Variants in AKAP13 observed in about 807,000 individuals in gnomAD.
AKAP13 encodes A-kinase anchor protein 13.
AKAP13 carries 80 observed loss-of-function variants against 264.5 expected under a neutral mutation model. The ratio of observed to expected loss-of-function variants is 0.30; its 90% confidence interval spans 0.25 to 0.36. The LOEUF (loss-of-function observed/expected upper bound fraction) is 0.36. Among genes scored for constraint, AKAP13 ranks in the 10% least tolerant of loss-of-function variants. AKAP13 has a pLI of 1.00. For missense variants in AKAP13, 3,712 were observed against 3,435.2 expected, an observed-to-expected ratio of 1.08 and a Z score of -2.01; for synonymous variants, 1,380 against 1,250.2, an observed-to-expected ratio of 1.10 and a Z score of -2.19.
At chr15:85,537,972 T>G (rs999683353) in intron 4 of AKAP13, among the ~76,000 whole-genome samples, 3 of 152,238 alleles carry the variant, frequency 2.0e-5, no homozygotes, top group Non-Finnish European at 4.4e-5. Context: ...CACATTGTAC[T>G]GTTTGCCACA....
chr15:85,744,268 C>T (rs542364490), intron 36 of AKAP13: 1 of 308,278 alleles, frequency 3.2e-6, no homozygotes, highest in South Asian at 3.6e-5. Flanking sequence ...GGCCACAGAG[C>T]CTGCGGCTGA....
At chr15:85,540,900 G>C (rs1303548945) in intron 4 of AKAP13, among the ~76,000 whole-genome samples, 2 of 152,234 alleles carry the variant, frequency 1.3e-5, no homozygotes, top group Non-Finnish European at 2.9e-5. Flanking sequence ...CAATGTAGAT[G>C]AATCTCAAAC....
intron 2 of AKAP13, among the ~76,000 whole-genome samples, chr15:85,520,498 C>CAAAA (rs71468111): frequency 1.8e-4 from 13 of 71,276 alleles, no homozygotes; most frequent in African/African-American, 2.7e-4. Context: ...AACTCCGTCT[C>CAAAA]AAAAAAAAAA....
chr15:85,430,978 T>G, intron 1 of AKAP13, among the ~76,000 whole-genome samples: 1 of 152,236 alleles, frequency 6.6e-6, no homozygotes, highest in Admixed American at 6.5e-5. Flanking sequence ...CAGATCATCA[T>G]CATCACTTTT....
chr15:85,408,043 A>C (rs2071761284), intron 1 of AKAP13, among the ~76,000 whole-genome samples: 1 of 151,658 alleles, frequency 6.6e-6, no homozygotes. Context: ...AGTTGTCCAG[A>C]ATAACTGGGA....
At position 85,719,216 on chromosome 15, in the gene AKAP13, A is replaced by G. The variant is rs768589987; in HGVS notation, c.6142A>G (p.Ile2048Val). ...LFPCLDELIS[I>V]HSQFFQRILE... ...CCCCTGTTTGGATGAGCTGATCAGT[A>G]TCCATAGCCAATTCTTCCAGAGGAT... Residue 2048 changes from isoleucine (I) to valine (V), a missense_variant, in exon 23 of 37, where the codon ATC becomes GTC. By Grantham distance (29) the Ile-to-Val change is conservative. Coordinates refer to ENST00000394518, the MANE Select transcript of AKAP13 (RefSeq NM_007200.5). 127 of 1,614,128 alleles carry G rather than the reference A, an allele frequency of 7.9e-5. No individual in the cohort carries two copies. The highest frequency in any genetic ancestry group is 1.1e-4 in the Non-Finnish European group (124 of 1,180,052).
At chr15:85,494,956 G>A (rs2075831008) in intron 2 of AKAP13, among the ~76,000 whole-genome samples, 3 of 152,026 alleles carry the variant, frequency 2.0e-5, no homozygotes, top group Admixed American at 2.0e-4. Flanking sequence ...GAACAGGTGA[G>A]GATTATACTG....
At chr15:85,656,201 A>G (rs1380492636) in intron 11 of AKAP13, among the ~76,000 whole-genome samples, 1 of 152,232 alleles carries the variant, frequency 6.6e-6, no homozygotes, top group Non-Finnish European at 1.5e-5. Context: ...CAGTCTTAAC[A>G]CATCAAAGTC....
intron 1 of AKAP13, among the ~76,000 whole-genome samples, chr15:85,478,916 T>C (rs978606854): frequency 6.6e-6 from 1 of 152,186 alleles, no homozygotes; most frequent in Non-Finnish European, 1.5e-5. Flanking sequence ...TTTCTACTCT[T>C]TCTGGTCCTG....
intron 10 of AKAP13, among the ~76,000 whole-genome samples, chr15:85,648,921 C>G (rs1260167575): frequency 6.6e-6 from 1 of 152,220 alleles, no homozygotes; most frequent in East Asian, 1.9e-4. Context: ...CTTTCACCTC[C>G]TCATGCATGC....
At chr15:85,576,347 G>A (rs1266022852) in intron 6 of AKAP13, among the ~76,000 whole-genome samples, 6 of 151,982 alleles carry the variant, frequency 3.9e-5, no homozygotes, top group Non-Finnish European at 8.8e-5. Flanking sequence ...TAAATATAGT[G>A]TTACTATATT....
chr15:85,748,872 AC>A lies in AKAP13; in HGVS notation c.*4201del, dbSNP rs1176942941. ...GGAGGGGCTTCTGCAGGAAGCACTC[AC>A]CCCCCACACCTTCCCCGGCCTGAGC... On this transcript the variant is annotated 3_prime_UTR_variant, in exon 37 of 37. Transcript: ENST00000394518. 1 of 152,332 alleles carries A rather than the reference AC, an allele frequency of 6.6e-6. No individual in the cohort carries two copies. Among genetic ancestry groups the A allele is most frequent in the Non-Finnish European group, 1.5e-5 (1 of 68,120 alleles). 9.4% of individuals were successfully genotyped at this position (152,332 alleles called of 1,614,324 possible).
At chr15:85,386,971 A>G (rs1247813442) in intron 1 of AKAP13, among the ~76,000 whole-genome samples, 1 of 152,136 alleles carries the variant, frequency 6.6e-6, no homozygotes, top group East Asian at 1.9e-4. Flanking sequence ...CCTTTTGTGC[A>G]TATTTTAGAT....
intron 12 of AKAP13, among the ~76,000 whole-genome samples, chr15:85,663,736 G>A (rs913424126): frequency 1.6e-4 from 24 of 152,342 alleles, no homozygotes; most frequent in African/African-American, 2.4e-5. Context: ...AGCAACCCAA[G>A]GAGGTTAAAT....
intron 5 of AKAP13, among the ~76,000 whole-genome samples, chr15:85,569,934 G>A (rs1177812486): frequency 3.3e-5 from 5 of 151,930 alleles, no homozygotes; most frequent in Admixed American, 2.0e-4. Flanking sequence ...AAAATTAGCC[G>A]GGCATGGTGG....
chr15:85,526,038 A>G (rs1364502562), intron 3 of AKAP13, among the ~76,000 whole-genome samples: 1 of 152,250 alleles, frequency 6.6e-6, no homozygotes, highest in Non-Finnish European at 1.5e-5. Context: ...TTGAAGAACT[A>G]CAAACCTTTA....
In AKAP13 at chr15:85,689,664, C is replaced by G. The variant is rs547389731; in HGVS notation, c.5290-3613C>G. Among the ~76,000 whole-genome samples, 4 of 152,216 alleles carry G rather than the reference C, an allele frequency of 2.6e-5. No homozygotes were observed. The South Asian group carries it at 8.3e-4, about 31-fold the overall frequency. On this transcript the variant is annotated intron_variant, in intron 16 of 36. Coordinates refer to ENST00000394518, the MANE Select transcript of AKAP13 (RefSeq NM_007200.5). ...CACTGCATTTTACAAAATGAGGAGT[C>G]TATTTTAAAATAGGTAAGATGTGTT...
intron 2 of AKAP13, among the ~76,000 whole-genome samples, chr15:85,497,268 C>T (rs2075897490): frequency 6.6e-6 from 1 of 152,204 alleles, no homozygotes; most frequent in African/African-American, 2.4e-5. Flanking sequence ...TAGATTCTTT[C>T]ACTGGGGAGG....
chr15:85,421,028 C>G (rs1044872836), intron 1 of AKAP13, among the ~76,000 whole-genome samples: 1 of 152,120 alleles, frequency 6.6e-6, no homozygotes, highest in East Asian at 1.9e-4. Context: ...AATATATAGA[C>G]TTTTATTAAA....
Sources: allele counts gnomAD v4.1 joint callset (sites outside exome capture counted in the v4.1 genomes callset), GRCh38; gene constraint gnomAD v4.1.1; transcripts MANE v1.5; gene names NCBI Gene and HGNC (gene_info 2026-07-23, HGNC 2026-07-21).